Variants in ABCC1 observed in about 807,000 individuals in gnomAD.
The protein encoded by ABCC1 is ATP binding cassette subfamily C member 1 (ABCC1 blood group).
Under a neutral mutation model 172.9 loss-of-function variants are expected in ABCC1, and 83 were observed. The ratio of observed to expected loss-of-function variants is 0.48; its 90% CI spans 0.40 to 0.58. The LOEUF (loss-of-function observed/expected upper bound fraction) is 0.58. Among genes scored for constraint, ABCC1 ranks in the 20% least tolerant of loss-of-function variants. The probability of loss-of-function intolerance (pLI) is 0.00; values close to 1 mark genes in which losing one functional copy is unlikely to be tolerated. For missense variants in ABCC1, 1,817 were observed against 2,002.7 expected, an observed-to-expected ratio of 0.91 and a Z score of 1.77; for synonymous variants, 937 against 825.2, an observed-to-expected ratio of 1.14 and a Z score of -2.32.
At position 16,073,489 on chromosome 16, in the gene ABCC1, G is replaced by A. The variant is rs545684082; in HGVS notation, c.1912+1760G>A. Among the ~76,000 whole-genome samples, 5 of 152,322 alleles carry A rather than the reference G, an allele frequency of 3.3e-5. No individual in the cohort carries two copies. In the East Asian group the frequency reaches 9.6e-4, roughly 29 times the overall value. ...TGAAAAAGTGAGGCACAGGCTGGGT[G>A]CAGTGGCTCCTACCTATAATCCTAG... On this transcript the variant is annotated intron_variant, in intron 14 of 30. Transcript: ENST00000399410.
At chr16:16,113,365 TTAAA>T (rs1462668576) in intron 22 of ABCC1, among the ~76,000 whole-genome samples, 1 of 152,112 alleles carries the variant, frequency 6.6e-6, no homozygotes, top group African/African-American at 2.4e-5. Context: ...GCTGTTAAAA[TTAAA>T]TAAACGTTGG....
intron 21 of ABCC1, among the ~76,000 whole-genome samples, chr16:16,108,550 TA>T (rs2052243693): frequency 6.6e-6 from 1 of 151,538 alleles, no homozygotes; most frequent in Admixed American, 6.6e-5. Flanking sequence ...GCTGGGATTA[TA>T]GGCATGAGCC....
intron 1 of ABCC1, among the ~76,000 whole-genome samples, chr16:15,991,946 C>G: frequency 6.6e-6 from 1 of 152,092 alleles, no homozygotes; most frequent in East Asian, 1.9e-4. Flanking sequence ...CTGTTAGGAA[C>G]CAGGCCACAG....
chr16:16,123,839 C>T (rs1285042817), intron 24 of ABCC1, among the ~76,000 whole-genome samples: 1 of 151,950 alleles, frequency 6.6e-6, no homozygotes, highest in Non-Finnish European at 1.5e-5. Context: ...TAGGGAGACC[C>T]TGTCTCTAAA....
intron 7 of ABCC1, among the ~76,000 whole-genome samples, chr16:16,037,163 C>T (rs751696708): frequency 2.6e-5 from 4 of 151,954 alleles, no homozygotes; most frequent in Non-Finnish European, 2.9e-5. Context: ...TGCCATGGCG[C>T]GTGACTATCC....
At chr16:16,026,432 CAAAAAAAAAAAA>C (rs386384354) in intron 5 of ABCC1, among the ~76,000 whole-genome samples, 1 of 59,214 alleles carries the variant, frequency 1.7e-5, no homozygotes, top group Non-Finnish European at 2.7e-5. Context: ...GAAACCGTCT[CAAAAAAAAAAAA>C]AAAAAAAAAA....
intron 1 of ABCC1, among the ~76,000 whole-genome samples, chr16:15,959,704 C>T (rs2046087331): frequency 6.6e-6 from 1 of 152,216 alleles, no homozygotes; most frequent in South Asian, 2.1e-4. Flanking sequence ...TGGACGATTA[C>T]AAAGTTGAGA....
intron 5 of ABCC1, 116 bp downstream of exon 5, chr16:16,016,737 C>T: frequency 7.0e-7 from 1 of 1,427,690 alleles, no homozygotes; most frequent in South Asian, 1.3e-5. Context: ...TCCCTCAACC[C>T]CTGATACAGG....
Position 15,952,964 on chromosome 16 carries a change from C to G in ABCC1, c.48+3165C>G, listed in dbSNP as rs1167675114. On this transcript the variant is annotated intron_variant, in intron 1 of 30. Coordinates refer to ENST00000399410, the MANE Select transcript of ABCC1 (RefSeq NM_004996.4). Reference sequence around the variant, plus strand: ...CTGAGGCACTAGAATCACTTGAAGGCTGTGGGGGTGGAGGTTGCAATGAGC... The same window carrying G: ...CTGAGGCACTAGAATCACTTGAAGGGTGTGGGGGTGGAGGTTGCAATGAGC... 2.6e-5 allele frequency among the ~76,000 whole-genome samples: 4 copies of G among 151,002 alleles called. No homozygotes were observed. The East Asian group carries it at 7.8e-4, about 29-fold the overall frequency.
intron 1 of ABCC1, among the ~76,000 whole-genome samples, chr16:15,968,898 C>CT (rs113313116): frequency 0.17 from 25,190 of 144,410 alleles, 2,429 homozygotes; most frequent in African/African-American, 0.27. Flanking sequence ...AATATTTTTT[C>CT]TTTTTTTTTT....
At chr16:16,136,034 T>G (rs1399481475) in intron 28 of ABCC1, among the ~76,000 whole-genome samples, 1 of 151,748 alleles carries the variant, frequency 6.6e-6, no homozygotes, top group Non-Finnish European at 1.5e-5. Flanking sequence ...TTTTCCATTA[T>G]TAAGGCAATT....
chr16:16,111,539 G>C lies in ABCC1; in HGVS notation c.3036G>C (p.Thr1012=), dbSNP rs751467717. The C allele has an allele frequency of 1.2e-6, 2 of 1,614,060 alleles. No homozygotes were observed. Among genetic ancestry groups the C allele is most frequent in the Non-Finnish European group, 1.7e-6 (2 of 1,180,022 alleles). ...TCGTCAACGGGACTCAGGAGCACACGAAAGTCCGGCTGAGCGTCTATGGAG... is the reference window on the plus strand; with the variant it reads ...TCGTCAACGGGACTCAGGAGCACACCAAAGTCCGGCTGAGCGTCTATGGAG... The part of the protein sequence containing the change: ...DPIVNGTQEH[T]KVRLSVYGAL... The change falls in exon 22 of 31, where the codon ACG becomes ACC. Residue 1012 remains threonine, a synonymous_variant. Transcript: ENST00000399410.
intron 18 of ABCC1, among the ~76,000 whole-genome samples, chr16:16,089,053 T>C (rs980507105): frequency 6.6e-6 from 1 of 152,166 alleles, no homozygotes; most frequent in Non-Finnish European, 1.5e-5. Context: ...TCGGCAGGGC[T>C]GAGTTGGTGC....
In ABCC1 at chr16:16,033,158, G is replaced by C. The variant is rs1041487976; in HGVS notation, c.665G>C (p.Trp222Ser). Residue 222 changes from tryptophan (W) to serine (S), a missense_variant, in exon 6 of 31, where the codon TGG becomes TCG. By Grantham distance (177) the Trp-to-Ser change is radical (BLOSUM62 -3). This residue lies in a region of ABCC1 where 398 missense variants were observed against 384.2 expected (regional missense o/e 1.04). Transcript: ENST00000399410. ...TCCTTCCTGTCGAGGATCACCTTCT[G>C]GTGGATCACAGGGTAAGGCCAGGCC... ...SASFLSRITF[W>S]WITGLIVRGY... 8.7e-6 allele frequency: 14 copies of C among 1,614,046 alleles called. No homozygotes were observed. The highest frequency in any genetic ancestry group is 1.7e-5 in the Admixed American group (1 of 60,010).
At chr16:16,105,165 G>A (rs1197186732) in intron 20 of ABCC1, among the ~76,000 whole-genome samples, 3 of 152,374 alleles carry the variant, frequency 2.0e-5, no homozygotes, top group East Asian at 3.9e-4. Flanking sequence ...AGGGCTGCGA[G>A]GGCTGCCAGC....
intron 7 of ABCC1, among the ~76,000 whole-genome samples, chr16:16,041,992 G>C (rs549008552): frequency 2.6e-5 from 4 of 151,986 alleles, no homozygotes; most frequent in African/African-American, 9.7e-5. Flanking sequence ...GCTACAGGGG[G>C]GCTGAAGCAT....
chr16:16,102,135 T>C (rs889886029), intron 19 of ABCC1, among the ~76,000 whole-genome samples: 1 of 152,252 alleles, frequency 6.6e-6, no homozygotes, highest in Admixed American at 6.5e-5. Context: ...GGTTAACTCC[T>C]GGCACTACAG....
chr16:16,019,642 A>T lies in ABCC1; in HGVS notation c.615+3021A>T, dbSNP rs1264542444. On this transcript the variant is annotated intron_variant, in intron 5 of 30. Transcript: ENST00000399410. ...TTTCTGATCTCCCTTGGGAATCTGG[A>T]TAAATTCCCTTTCACTTCTCCCCTG... Among the ~76,000 whole-genome samples, 14 of 152,140 alleles carry T rather than the reference A, an allele frequency of 9.2e-5. No individual in the cohort carries two copies. The East Asian group carries it at 2.7e-3, about 29-fold the overall frequency.
intron 28 of ABCC1, among the ~76,000 whole-genome samples, chr16:16,136,013 CTTT>C (rs71137916): frequency 6.8e-6 from 1 of 146,970 alleles, no homozygotes. Context: ...ACTTTCCAGA[CTTT>C]TTTTTTTTTT....
Sources: gnomAD v4.1 joint callset for allele counts (sites outside exome capture counted in the v4.1 genomes callset) on GRCh38, gnomAD v4.1.1 for gene constraint, gnomAD v4.1.1 regional missense constraint, MANE v1.5 for transcripts, NCBI Gene and HGNC (gene_info 2026-07-23, HGNC 2026-07-21) for gene names.